Variants in CCSER1 observed in about 807,000 individuals in gnomAD.
The protein encoded by CCSER1 is coiled-coil serine rich protein 1.
In CCSER1, 41 loss-of-function variants were observed where a neutral mutation model predicts 82.0. That is an observed-to-expected ratio of 0.50 (90% CI 0.39 to 0.65). The LOEUF is 0.65. CCSER1 is among the 30% of genes least tolerant of loss of function. The pLI is 0.00. For synonymous variants in CCSER1, 414 were observed against 383.9 expected (o/e 1.08, Z -0.92); for missense variants, 1,119 against 1,064.2 (o/e 1.05, Z -0.72).
chr4:90,862,910 T>TC (rs1666557570), intron 8 of CCSER1, among the ~76,000 whole-genome samples: 1 of 148,740 alleles, frequency 6.7e-6, no homozygotes, highest in Admixed American at 6.7e-5. Flanking sequence ...TTTTTGTCTT[T>TC]TTTTTTTTTT....
intron 1 of CCSER1, among the ~76,000 whole-genome samples, chr4:90,233,367 A>G (rs1343297027): frequency 5.9e-5 from 9 of 152,098 alleles, no homozygotes; most frequent in Non-Finnish European, 1.0e-4. Flanking sequence ...GTAAACTATC[A>G]CAAGAACAAA....
At chr4:90,832,209 T>C (rs541937174) in intron 8 of CCSER1, among the ~76,000 whole-genome samples, 4 of 152,188 alleles carry the variant, frequency 2.6e-5, no homozygotes, top group African/African-American at 9.6e-5. Context: ...AAAAATTTAA[T>C]AGATTTATTT....
At chr4:90,144,908 AAACC>A (rs1405842159) in intron 1 of CCSER1, among the ~76,000 whole-genome samples, 2 of 152,080 alleles carry the variant, frequency 1.3e-5, no homozygotes, top group African/African-American at 2.4e-5. Context: ...AATATTCTGA[AAACC>A]AACCAAAGAG....
Position 90,169,435 on chromosome 4 carries a change from G to T in CCSER1, c.-42+41604G>T, listed in dbSNP as rs1243890279. Among the ~76,000 whole-genome samples the T allele has an allele frequency of 5.3e-5, 8 of 152,200 alleles. No homozygotes were observed. In the East Asian group the frequency reaches 1.6e-3, roughly 29 times the overall value. ...TGTCATCTGCAAACAGGGACAATTTGACTTCCTCTTTTCCTAACTGAATAC... is the reference window on the plus strand; with the variant it reads ...TGTCATCTGCAAACAGGGACAATTTTACTTCCTCTTTTCCTAACTGAATAC... On this transcript the variant is annotated intron_variant, in intron 1 of 10. Transcript: ENST00000509176.
In CCSER1 at chr4:90,825,926, G is replaced by A. The variant is rs189076062; in HGVS notation, c.2094+10081G>A. Among the ~76,000 whole-genome samples the A allele has an allele frequency of 2.0e-5, 3 of 151,842 alleles. No homozygotes were observed. In the South Asian group the frequency reaches 6.2e-4, roughly 31 times the overall value. ...AAGATGGTCTCAATCTCCTGACCTC[G>A]TGATCCACCTGCCTCGTCCTCCCAA... is the stretch of plus-strand genomic sequence containing the variant. On this transcript the variant is annotated intron_variant, in intron 8 of 10. Transcript: ENST00000509176.
chr4:91,015,775 A>G (rs1395721819), intron 9 of CCSER1, among the ~76,000 whole-genome samples: 2 of 152,018 alleles, frequency 1.3e-5, no homozygotes, highest in African/African-American at 4.8e-5. Context: ...TTCAGCAATA[A>G]CTAGAGGAAA....
chr4:90,949,482 G>A (rs1732651470), intron 9 of CCSER1, among the ~76,000 whole-genome samples: 2 of 151,970 alleles, frequency 1.3e-5, no homozygotes, highest in South Asian at 4.1e-4. Flanking sequence ...TGATTTTGTT[G>A]TCACTACAGT....
intron 1 of CCSER1, among the ~76,000 whole-genome samples, chr4:90,258,053 A>C (rs1723666610): frequency 6.6e-6 from 1 of 152,188 alleles, no homozygotes; most frequent in African/African-American, 2.4e-5. Context: ...CACACTGTTC[A>C]GTTTTCCTAG....
At chr4:91,167,183 T>A (rs1267828292) in intron 10 of CCSER1, among the ~76,000 whole-genome samples, 1 of 120,568 alleles carries the variant, frequency 8.3e-6, no homozygotes, top group Non-Finnish European at 1.7e-5. Flanking sequence ...AGAATTGCAA[T>A]ACTTTTTTTT....
At chr4:90,875,170 A>T (rs901370394) in intron 8 of CCSER1, among the ~76,000 whole-genome samples, 3 of 152,166 alleles carry the variant, frequency 2.0e-5, no homozygotes, top group African/African-American at 7.2e-5. Flanking sequence ...GATCTATGGC[A>T]TGAAGCAGCC....
At chr4:90,705,502 TCAGA>T (rs1281675268) in intron 6 of CCSER1, among the ~76,000 whole-genome samples, 2 of 152,194 alleles carry the variant, frequency 1.3e-5, no homozygotes, top group African/African-American at 2.4e-5. Context: ...TTCAAAGGTG[TCAGA>T]CAGGGACATT....
At chr4:90,256,345 T>C (rs1330092834) in intron 1 of CCSER1, among the ~76,000 whole-genome samples, 1 of 152,166 alleles carries the variant, frequency 6.6e-6, no homozygotes, top group East Asian at 1.9e-4. Flanking sequence ...TCTAGTGTCT[T>C]GTGTATGTTA....
At chr4:90,611,319 A>G (rs1430845930) in intron 5 of CCSER1, among the ~76,000 whole-genome samples, 2 of 151,394 alleles carry the variant, frequency 1.3e-5, no homozygotes, top group Non-Finnish European at 2.9e-5. Flanking sequence ...ACTTTATTCT[A>G]CTCTCTTTCT....
At chr4:91,465,411 C>G (rs532641785) in intron 10 of CCSER1, among the ~76,000 whole-genome samples, 8 of 152,022 alleles carry the variant, frequency 5.3e-5, no homozygotes, top group Admixed American at 4.6e-4. Flanking sequence ...CAGGAGGGAT[C>G]TAAAATCACC....
At chr4:91,139,863 G>C (rs1232179056) in intron 10 of CCSER1, among the ~76,000 whole-genome samples, 1 of 151,944 alleles carries the variant, frequency 6.6e-6, no homozygotes, top group Non-Finnish European at 1.5e-5. Context: ...CTTTTTTTCA[G>C]CCAGTCCATT....
At chr4:91,235,999 A>C (rs1047270342) in intron 10 of CCSER1, among the ~76,000 whole-genome samples, 2 of 149,500 alleles carry the variant, frequency 1.3e-5, no homozygotes, top group African/African-American at 2.5e-5. Context: ...TTATTAAACC[A>C]AGGATCAAAA....
chr4:91,339,541 C>T (rs1000384889), intron 10 of CCSER1, among the ~76,000 whole-genome samples: 30 of 152,068 alleles, frequency 2.0e-4, no homozygotes, highest in Admixed American at 1.8e-3. Context: ...CTTTGCTTTT[C>T]GCTGTGTTTG....
At chr4:91,427,459 G>T (rs530366526) in intron 10 of CCSER1, among the ~76,000 whole-genome samples, 2 of 152,132 alleles carry the variant, frequency 1.3e-5, no homozygotes, top group South Asian at 4.1e-4. Flanking sequence ...CAAGGATTCA[G>T]TTTTTCTATC....
At chr4:90,682,178 G>A (rs1021763021) in intron 6 of CCSER1, among the ~76,000 whole-genome samples, 4 of 151,222 alleles carry the variant, frequency 2.6e-5, no homozygotes, top group African/African-American at 4.9e-5. Context: ...TTCCTAGAAT[G>A]AGTTTACAAA....
Sources: gnomAD v4.1 joint callset for allele counts (sites outside exome capture counted in the v4.1 genomes callset) on GRCh38, gnomAD v4.1.1 for gene constraint, MANE v1.5 for transcripts, NCBI Gene and HGNC (gene_info 2026-07-23, HGNC 2026-07-21) for gene names.